Variants in RNF180 observed in about 807,000 individuals in gnomAD.
RNF180 encodes the protein E3 ubiquitin-protein ligase RNF180.
A neutral mutation model predicts 59.2 loss-of-function variants in RNF180; 38 were observed. That is an observed-to-expected ratio of 0.64 (90% CI 0.50 to 0.84). RNF180 has a LOEUF of 0.84. Ranked by LOEUF, RNF180 falls within the 40% of genes least tolerant of loss-of-function variation. The pLI is 0.00. For synonymous variants in RNF180, 262 were observed against 240.3 expected (o/e 1.09, Z -0.84); for missense variants, 705 against 700.9 (o/e 1.01, Z -0.07).
At chr5:64,333,592 A>G (rs889742565) in intron 7 of RNF180, among the ~76,000 whole-genome samples, 1 of 152,198 alleles carries the variant, frequency 6.6e-6, no homozygotes, top group African/African-American at 2.4e-5. Context: ...GTGTTCTTCA[A>G]AACAGTCCCT....
intron 5 of RNF180, among the ~76,000 whole-genome samples, chr5:64,299,377 C>T (rs1743050179): frequency 6.6e-6 from 1 of 151,868 alleles, no homozygotes; most frequent in African/African-American, 2.4e-5. Flanking sequence ...TCAGTAGTTA[C>T]TGGGTTATTG....
intron 7 of RNF180, among the ~76,000 whole-genome samples, chr5:64,340,871 A>AACTT (rs1745328552): frequency 6.6e-6 from 1 of 151,990 alleles, no homozygotes. Flanking sequence ...ACCACTTCAT[A>AACTT]ACTTATTTTA....
At chr5:64,353,425 T>G (rs906792138) in intron 7 of RNF180, among the ~76,000 whole-genome samples, 1 of 150,604 alleles carries the variant, frequency 6.6e-6, no homozygotes, top group Non-Finnish European at 1.5e-5. Flanking sequence ...TATCACTAAT[T>G]GATTGCATAA....
At chr5:64,292,679 C>T (rs2112429004) in intron 5 of RNF180, among the ~76,000 whole-genome samples, 1 of 152,322 alleles carries the variant, frequency 6.6e-6, no homozygotes, top group East Asian at 1.9e-4. Context: ...CTGGGAAACC[C>T]TTCCTTGTCC....
intron 5 of RNF180, among the ~76,000 whole-genome samples, chr5:64,259,354 A>AT (rs1002762562): frequency 7.9e-5 from 12 of 152,090 alleles, no homozygotes; most frequent in Admixed American, 6.6e-5. Context: ...TATGAGGGTG[A>AT]TTTTTTGGAA....
chr5:64,169,199 C>A (rs574602940), intron 1 of RNF180, among the ~76,000 whole-genome samples: 35 of 152,132 alleles, frequency 2.3e-4, no homozygotes, highest in Non-Finnish European at 4.6e-4. Context: ...TTGATCTCTT[C>A]GGGCCTAGTG....
intron 5 of RNF180, among the ~76,000 whole-genome samples, chr5:64,291,188 A>G (rs1215318950): frequency 6.6e-6 from 1 of 152,098 alleles, no homozygotes; most frequent in Non-Finnish European, 1.5e-5. Flanking sequence ...TAGAGTTTCC[A>G]CTGAAGGGTC....
At chr5:64,254,641 T>G (rs1161344420) in intron 5 of RNF180, among the ~76,000 whole-genome samples, 1 of 152,172 alleles carries the variant, frequency 6.6e-6, no homozygotes, top group African/African-American at 2.4e-5. Flanking sequence ...GACAGTCTCT[T>G]AAGATTATCC....
At chr5:64,171,751 C>G (rs1749947209) in intron 1 of RNF180, among the ~76,000 whole-genome samples, 1 of 152,150 alleles carries the variant, frequency 6.6e-6, no homozygotes. Flanking sequence ...AAGTGGCTGT[C>G]TTGGCCTTCC....
At chr5:64,368,330 C>T (rs1228638318) in intron 7 of RNF180, among the ~76,000 whole-genome samples, 1 of 151,678 alleles carries the variant, frequency 6.6e-6, no homozygotes, top group Non-Finnish European at 1.5e-5. Flanking sequence ...GTTATAAAAG[C>T]AGTTGTAAAA....
At chr5:64,276,333 T>TGTGG (rs1480858286) in intron 5 of RNF180, among the ~76,000 whole-genome samples, 1 of 143,434 alleles carries the variant, frequency 7.0e-6, no homozygotes, top group African/African-American at 2.7e-5. Context: ...TGTGTGTGTG[T>TGTGG]GTGTGTGTGT....
chr5:64,180,196 C>T (rs1207369918), intron 1 of RNF180, among the ~76,000 whole-genome samples: 1 of 152,126 alleles, frequency 6.6e-6, no homozygotes, highest in East Asian at 1.9e-4. Context: ...TTTTCTTATA[C>T]TGAAGTTAAA....
chr5:64,201,526 T>G (rs2112059365), intron 2 of RNF180, among the ~76,000 whole-genome samples: 1 of 152,322 alleles, frequency 6.6e-6, no homozygotes, highest in Admixed American at 6.5e-5. Flanking sequence ...TAATGGAGTT[T>G]GGCAGAAATT....
At chr5:64,223,003 C>G (rs1228212802) in intron 5 of RNF180, among the ~76,000 whole-genome samples, 2 of 152,164 alleles carry the variant, frequency 1.3e-5, no homozygotes, top group African/African-American at 4.8e-5. Flanking sequence ...GCTGCTATAA[C>G]AAATCACTAT....
chr5:64,275,522 T>A (rs568550346), intron 5 of RNF180, among the ~76,000 whole-genome samples: 7 of 151,478 alleles, frequency 4.6e-5, no homozygotes, highest in Admixed American at 4.6e-4. Flanking sequence ...ATTTAGAAAA[T>A]ATACTTTTTA....
At chr5:64,186,809 T>C (rs1750895719) in intron 1 of RNF180, among the ~76,000 whole-genome samples, 1 of 152,172 alleles carries the variant, frequency 6.6e-6, no homozygotes, top group African/African-American at 2.4e-5. Flanking sequence ...CATATGATGA[T>C]TTCTGAGAGT....
intron 5 of RNF180, among the ~76,000 whole-genome samples, chr5:64,268,358 C>T (rs1744807943): frequency 6.6e-6 from 1 of 152,102 alleles, no homozygotes. Context: ...GAAATATTTT[C>T]ATTTGTCTTT....
intron 5 of RNF180, among the ~76,000 whole-genome samples, chr5:64,286,830 G>A (rs918050429): frequency 7.9e-5 from 12 of 152,174 alleles, no homozygotes; most frequent in African/African-American, 2.7e-4. Context: ...GGCAAGGAAA[G>A]TTACAGAGGC....
chr5:64,174,959 CT>C (rs370660214), intron 1 of RNF180, among the ~76,000 whole-genome samples: 164 of 84,726 alleles, frequency 1.9e-3, no homozygotes, highest in East Asian at 0.014. Flanking sequence ...TAATCCAGTT[CT>C]TTTTTTTTTT....
Sources: allele counts gnomAD v4.1 joint callset (sites outside exome capture counted in the v4.1 genomes callset), GRCh38; gene constraint gnomAD v4.1.1; transcripts MANE v1.5; gene names NCBI Gene and HGNC (gene_info 2026-07-23, HGNC 2026-07-21).